Variants in ANTXR2 observed in about 807,000 individuals in gnomAD.
The protein encoded by ANTXR2 is anthrax toxin receptor 2.
In ANTXR2, 44 loss-of-function variants were observed where a neutral mutation model predicts 73.7. That is an observed-to-expected ratio of 0.60 (90% CI 0.47 to 0.77). The LOEUF (loss-of-function observed/expected upper bound fraction) is 0.77, where lower values mean the gene tolerates loss of function less well. Among genes scored for constraint, ANTXR2 ranks in the 30% least tolerant of loss-of-function variants. ANTXR2 has a pLI of 0.00. For missense variants in ANTXR2, 604 were observed against 592.5 expected (o/e 1.02, Z -0.20); for synonymous variants, 217 against 205.9 (o/e 1.05, Z -0.46).
At chr4:80,067,858 G>T (rs906717244) in intron 3 of ANTXR2, among the ~76,000 whole-genome samples, 1 of 152,212 alleles carries the variant, frequency 6.6e-6, no homozygotes, top group South Asian at 2.1e-4. Flanking sequence ...GGGTGCAGGG[G>T]AGAAAGAGCA....
intron 3 of ANTXR2, among the ~76,000 whole-genome samples, chr4:80,056,404 C>T (rs984640407): frequency 1.3e-5 from 2 of 151,872 alleles, no homozygotes; most frequent in South Asian, 2.1e-4. Context: ...ACACTCACTC[C>T]ATCTCTCTAA....
chr4:80,025,899 A>C (rs938497669), intron 10 of ANTXR2, among the ~76,000 whole-genome samples: 13 of 152,228 alleles, frequency 8.5e-5, no homozygotes, highest in African/African-American at 2.9e-4. Context: ...AGCTATATTC[A>C]GAGATTTACT....
At chr4:79,912,628 T>C (rs1189127661) in intron 16 of ANTXR2, among the ~76,000 whole-genome samples, 1 of 152,090 alleles carries the variant, frequency 6.6e-6, no homozygotes, top group Admixed American at 6.5e-5. Flanking sequence ...ATATAAAAAA[T>C]GGTCTTTAAA....
rs1226354843 is a variant in ANTXR2 at position 80,033,541 on chromosome 4, C to T, written c.727G>A (p.Gly243Arg). 1 of 1,596,554 alleles carries T rather than the reference C, an allele frequency of 6.3e-7. No homozygotes were observed. Among genetic ancestry groups the T allele is most frequent in the East Asian group, 2.3e-5 (1 of 44,206 alleles). Residue 243 changes from glycine (G) to arginine (R), a missense_variant, in exon 9 of 17, where the codon GGA becomes AGA. Gly to Arg is a moderately radical substitution (Grantham distance 125). Coordinates refer to ENST00000403729, the MANE Select transcript of ANTXR2 (RefSeq NM_058172.6). The stretch of plus-strand genomic sequence containing the variant: ...CCATTCCGACTGCCCAGCATGAATC[C>T]TCTTCCACTTAAGACAATCTGAAAT... Reference protein sequence around the residue: ...EEFQIVLSGRGFMLGSRNGSV... With the variant: ...EEFQIVLSGRRFMLGSRNGSV...
intron 16 of ANTXR2, among the ~76,000 whole-genome samples, chr4:79,948,812 A>T (rs942834117): frequency 2.0e-5 from 3 of 152,172 alleles, no homozygotes; most frequent in African/African-American, 7.2e-5. Context: ...ACAGAAACAG[A>T]GAAACAGAGA....
intron 2 of ANTXR2, among the ~76,000 whole-genome samples, chr4:80,070,430 T>C (rs1351770819): frequency 1.3e-5 from 2 of 152,242 alleles, no homozygotes; most frequent in African/African-American, 2.4e-5. Flanking sequence ...GATCAAAATC[T>C]ACATGACACC....
At chr4:79,999,003 A>G (rs1456889303) in intron 12 of ANTXR2, among the ~76,000 whole-genome samples, 1 of 152,090 alleles carries the variant, frequency 6.6e-6, no homozygotes, top group African/African-American at 2.4e-5. Context: ...CATTTAGATT[A>G]CATCACATCT....
intron 14 of ANTXR2, among the ~76,000 whole-genome samples, chr4:79,979,527 T>C (rs1160026972): frequency 6.6e-6 from 1 of 152,200 alleles, no homozygotes; most frequent in Non-Finnish European, 1.5e-5. Flanking sequence ...TACTTAGATG[T>C]TTTTACCTTT....
At position 79,984,893 on chromosome 4, in the gene ANTXR2, C is replaced by T. The variant is rs201365402; in HGVS notation, c.1042-30G>A. On this transcript the variant is annotated intron_variant, in intron 12 of 16. Coordinates refer to ENST00000403729, the MANE Select transcript of ANTXR2 (RefSeq NM_058172.6). ...CAAAAAAAATCAAATATAAAAATTT[C>T]TATGGCATAGAGAGGAGATAGTAAG... is the stretch of plus-strand genomic sequence containing the variant. The T allele has an allele frequency of 4.6e-6, 7 of 1,536,182 alleles. No homozygotes were observed. The Admixed American group carries it at 1.3e-4, about 28-fold the overall frequency.
At chr4:79,980,669 C>T (rs1361981397) in intron 14 of ANTXR2, among the ~76,000 whole-genome samples, 3 of 152,114 alleles carry the variant, frequency 2.0e-5, no homozygotes, top group Non-Finnish European at 2.9e-5. Flanking sequence ...CAGAAACACA[C>T]ATTTGAAGTC....
chr4:79,956,826 A>C (rs954532093), intron 16 of ANTXR2, among the ~76,000 whole-genome samples: 1 of 152,052 alleles, frequency 6.6e-6, no homozygotes, highest in African/African-American at 2.4e-5. Context: ...TGGAAACCCA[A>C]GTTTTATTCC....
intron 12 of ANTXR2, among the ~76,000 whole-genome samples, chr4:79,999,497 T>G (rs1730913181): frequency 6.6e-6 from 1 of 152,006 alleles, no homozygotes; most frequent in African/African-American, 2.4e-5. Context: ...TAGTTCTTCA[T>G]AGGAGTGTAA....
intron 12 of ANTXR2, among the ~76,000 whole-genome samples, chr4:80,003,961 G>T (rs1207199079): frequency 2.0e-5 from 3 of 152,024 alleles, no homozygotes; most frequent in African/African-American, 7.2e-5. Context: ...GTACATAAAT[G>T]TTCATAGTAG....
chr4:79,916,402 T>A (rs1727356843), intron 16 of ANTXR2, among the ~76,000 whole-genome samples: 1 of 152,132 alleles, frequency 6.6e-6, no homozygotes, highest in African/African-American at 2.4e-5. Context: ...TAGATATAGA[T>A]ATAATCAGGA....
rs988371199 is a variant in ANTXR2, at chr4:79,907,163, G to T, written c.*266C>A. 1.6e-5 allele frequency: 8 copies of T among 515,962 alleles called. No homozygotes were observed. Among genetic ancestry groups the T allele is most frequent in the Non-Finnish European group, 2.4e-5 (7 of 295,140 alleles). The allele number at this position is 515,962 out of a possible 1,614,324, so 32.0% of individuals were successfully genotyped here. A position where few individuals can be genotyped will look rare whatever the true frequency, so the allele number is the denominator to read the frequency against. ...AACTTTCTTGTACAAACCATAGTCT[G>T]CAGGTCAATGTTCCTCTTTATTTTC... On this transcript the variant is annotated 3_prime_UTR_variant, in exon 17 of 17. Transcript: ENST00000403729.
chr4:79,919,882 T>TG (rs1727513329), intron 16 of ANTXR2, among the ~76,000 whole-genome samples: 1 of 123,660 alleles, frequency 8.1e-6, no homozygotes, highest in Admixed American at 8.6e-5. Flanking sequence ...TATATATATA[T>TG]ATATATATAT....
At chr4:80,026,366 A>G (rs967066993) in intron 10 of ANTXR2, among the ~76,000 whole-genome samples, 2 of 152,166 alleles carry the variant, frequency 1.3e-5, no homozygotes, top group African/African-American at 4.8e-5. Flanking sequence ...TTCCCCAGTC[A>G]TGTAAAACTG....
chr4:79,926,952 T>TGTGCATATATGTGTATATATATAC lies in ANTXR2; in HGVS notation c.1429-19486_1429-19485insGTATATATATACACATATATGCAC, dbSNP rs1727821628. Among the ~76,000 whole-genome samples, 17 of 95,806 alleles carry TGTGCATATATGTGTATATATATAC rather than the reference T, an allele frequency of 1.8e-4. 1 individual carries two copies. The highest frequency in any genetic ancestry group is 8.1e-4 in the African/African-American group (16 of 19,838). The allele number at this position is 95,806 out of a possible 152,430, so 62.9% of individuals were successfully genotyped here. On this transcript the variant is annotated intron_variant, in intron 16 of 16. Coordinates refer to ENST00000403729, the MANE Select transcript of ANTXR2 (RefSeq NM_058172.6). ...ACACATGTGCATATATGTGTATATA[T>TGTGCATATATGTGTATATATATAC]ACGTGTGCATATATGTGTATATATA...
chr4:80,040,190 G>A (rs1387005926), intron 7 of ANTXR2, among the ~76,000 whole-genome samples: 4 of 151,734 alleles, frequency 2.6e-5, no homozygotes, highest in Non-Finnish European at 5.9e-5. Context: ...TGGGTGATGG[G>A]ATCAACTGGA....
Sources: gnomAD v4.1 joint callset for allele counts (sites outside exome capture counted in the v4.1 genomes callset) on GRCh38, gnomAD v4.1.1 for gene constraint, MANE v1.5 for transcripts, NCBI Gene and HGNC (gene_info 2026-07-23, HGNC 2026-07-21) for gene names.